PKN3: variants seen among roughly 807,000 people sequenced by gnomAD.
PKN3 encodes protein kinase N3, also known as serine/threonine-protein kinase N3.
Under a neutral mutation model 113.1 loss-of-function variants are expected in PKN3, and 91 were observed. That is an observed-to-expected ratio of 0.80 (90% CI 0.68 to 0.96). PKN3 has a LOEUF of 0.96. Among genes scored for constraint, PKN3 ranks in the 40% least tolerant of loss-of-function variants. The probability of loss-of-function intolerance (pLI) is 0.00; values close to 1 mark genes in which losing one functional copy is unlikely to be tolerated. For missense variants in PKN3, 1,052 were observed against 1,202.2 expected (o/e 0.88, Z 1.85); for synonymous variants, 467 against 499.0 (o/e 0.94, Z 0.85).
chr9:128,719,315 G>T (rs2132336617), intron 18 of PKN3, among the ~76,000 whole-genome samples: 2 of 150,900 alleles, frequency 1.3e-5, no homozygotes, highest in South Asian at 4.2e-4. Context: ...TCAGCCTCCC[G>T]AGTACCTGCG....
intron 8 of PKN3, 42 bp downstream of exon 8, chr9:128,713,429 CG>C: frequency 6.2e-7 from 1 of 1,611,844 alleles, no homozygotes; most frequent in South Asian, 1.1e-5. Flanking sequence ...CCTTGGGCTG[CG>C]GGGTGGAAGG....
intron 6 of PKN3, 32 bp from the exon 7 acceptor site, chr9:128,713,020 C>T: frequency 1.3e-6 from 2 of 1,561,634 alleles, no homozygotes; most frequent in Non-Finnish European, 1.7e-6. Context: ...AAGATGGCAT[C>T]TGACAACGCC....
rs1424129240 is a variant in PKN3, at chr9:128,720,701, T to C, written c.*95T>C. 6.5e-6 allele frequency: 7 copies of C among 1,083,452 alleles called. No individual in the cohort carries two copies. The East Asian group carries it at 1.6e-4, about 24-fold the overall frequency. 67.1% of individuals were successfully genotyped at this position (1,083,452 alleles called of 1,614,324 possible). ...CCCTGCCTGGAGGTCCAGGCCTTGC[T>C]GGGTACTTCTGAGCCCTTGGGATTC... On this transcript the variant is annotated 3_prime_UTR_variant, in exon 22 of 22. Transcript: ENST00000291906. This position sits in a 1 kb window ranked among gnomAD's most constrained non-coding sequence, Gnocchi z 5.5.
At position 128,720,301 on chromosome 9, in the gene PKN3, C is replaced by T. The variant is rs756715269; in HGVS notation, c.2457+18C>T. ...TCTTCAGGGTGAGCGGCTGGGGTGG[C>T]GGTGGTCCCCTGTGCCTGGCAGGGT... is the stretch of plus-strand genomic sequence containing the variant. On this transcript the variant is annotated intron_variant, in intron 21 of 21. Coordinates refer to ENST00000291906, the MANE Select transcript of PKN3 (RefSeq NM_013355.5). This position sits in a 1 kb window ranked among gnomAD's most constrained non-coding sequence, Gnocchi z 5.5. The T allele has an allele frequency of 1.2e-5, 19 of 1,612,646 alleles. No individual in the cohort carries two copies. The African/African-American group carries it at 1.7e-4, about 15-fold the overall frequency.
At position 128,702,585 on chromosome 9, in the gene PKN3, A is replaced by G. The variant is rs566381060; in HGVS notation, c.-331A>G. 2.0e-3 allele frequency: 615 copies of G among 308,226 alleles called. 5 individuals carry two copies. Among genetic ancestry groups the G allele is most frequent in the African/African-American group, 0.013 (582 of 45,398 alleles). 19.1% of individuals were successfully genotyped at this position (308,226 alleles called of 1,614,324 possible). A position where few individuals can be genotyped will look rare whatever the true frequency, so the allele number is the denominator to read the frequency against. On this transcript the variant is annotated 5_prime_UTR_variant, in exon 1 of 22. Transcript: ENST00000291906. ...CTGGGCGCGGGCGATGTGCCTCCTGAGCGTCCAAACCGGGGGTGAGGCGCG... is the reference window on the plus strand; with the variant it reads ...CTGGGCGCGGGCGATGTGCCTCCTGGGCGTCCAAACCGGGGGTGAGGCGCG...
In PKN3 at chr9:128,702,936, G is replaced by C. The variant is rs906362245; in HGVS notation, c.21G>C (p.Arg7=). 4.7e-5 allele frequency: 68 copies of C among 1,456,672 alleles called. No individual in the cohort carries two copies. Among genetic ancestry groups the C allele is most frequent in the African/African-American group, 6.0e-5 (4 of 66,814 alleles). 90.2% of individuals were successfully genotyped at this position (1,456,672 alleles called of 1,614,324 possible). A position where few individuals can be genotyped will look rare whatever the true frequency, so the allele number is the denominator to read the frequency against. Residue 7 remains arginine (R), a synonymous_variant, in exon 1 of 22, where the codon CGG becomes CGC. Coordinates refer to ENST00000291906, the MANE Select transcript of PKN3 (RefSeq NM_013355.5). ...GCGCCATGGAGGAGGGGGCGCCGCG[G>C]CAGGTGAACGGCGTGGGAGGGGCGC... MEEGAP[R]QPGPSQWPPE...
intron 18 of PKN3, among the ~76,000 whole-genome samples, chr9:128,719,281 C>A (rs909992228): frequency 1.3e-5 from 2 of 151,948 alleles, no homozygotes; most frequent in Non-Finnish European, 2.9e-5. Context: ...CCTCTGCCTC[C>A]AAGGTTCAAG....
intron 6 of PKN3, 48 bp downstream of exon 6, chr9:128,707,453 G>T (rs755323538): frequency 1.3e-6 from 2 of 1,490,600 alleles, no homozygotes. Context: ...TTTTTGGGGG[G>T]AGGCCGGAAG....
rs1176096468 is a variant in PKN3 at position 128,714,039 on chromosome 9, C to A, written c.1237-7C>A. Reference sequence around the variant, plus strand: ...ACTGGTCCACAACCCTGCCCCTACCCCTGCAGGTGACCTTCTGCGATCCTG... The same window carrying A: ...ACTGGTCCACAACCCTGCCCCTACCACTGCAGGTGACCTTCTGCGATCCTG... On this transcript the variant is annotated splice_region_variant and splice_polypyrimidine_tract_variant and intron_variant, in intron 9 of 21. Transcript: ENST00000291906. 2 of 1,613,908 alleles carry A rather than the reference C, an allele frequency of 1.2e-6. No individual in the cohort carries two copies. The highest frequency in any genetic ancestry group is 1.3e-5 in the African/African-American group (1 of 74,896).
intron 12 of PKN3, 64 bp from the exon 13 acceptor site, chr9:128,714,734 G>A: frequency 6.6e-7 from 1 of 1,520,234 alleles, no homozygotes; most frequent in Non-Finnish European, 9.1e-7. Context: ...GCTGTGGGGT[G>A]GCAGGCCTGA....
Position 128,720,045 on chromosome 9 carries a change from C to T in PKN3, c.2376+28C>T, listed in dbSNP as rs2132340683. 6.3e-7 allele frequency: 1 copy of T among 1,591,410 alleles called. No individual in the cohort carries two copies. Among genetic ancestry groups the T allele is most frequent in the Non-Finnish European group, 8.6e-7 (1 of 1,159,690 alleles). On this transcript the variant is annotated intron_variant, in intron 20 of 21. Coordinates refer to ENST00000291906, the MANE Select transcript of PKN3 (RefSeq NM_013355.5). This position sits in a 1 kb window ranked among gnomAD's most constrained non-coding sequence, Gnocchi z 5.5. ...AAGCACTGCGGGGTCTGGGGCTGGG[C>T]TGGATGGCCGCTCAAGGCCCATGTG...
In PKN3 at chr9:128,713,120, G is replaced by A. The variant is rs891451595; in HGVS notation, c.904G>A (p.Ala302Thr). Residue 302 changes from alanine (A) to threonine (T), a missense_variant, in exon 7 of 22, where the codon GCC becomes ACC. By Grantham distance (58) the Ala-to-Thr change is moderately conservative. Coordinates refer to ENST00000291906, the MANE Select transcript of PKN3 (RefSeq NM_013355.5). ...AGCCGTGCCTGGGCGCTCCCCAGCG[G>A]CCGCACTGGCCAGCAGCCCCTCCGA... ...LTAVPGRSPA[A>T]ALASSPSEGW... 1.2e-6 allele frequency: 2 copies of A among 1,611,702 alleles called. No homozygotes were observed. Among genetic ancestry groups the A allele is most frequent in the African/African-American group, 2.7e-5 (2 of 74,924 alleles).
At chr9:128,705,580 C>T (rs1321269185) in intron 2 of PKN3, 37 bp downstream of exon 2, 2 of 1,549,096 alleles carry the variant, frequency 1.3e-6, no homozygotes, top group East Asian at 4.9e-5. Flanking sequence ...GGACAGAAGG[C>T]TCTAGGCCCA....
At position 128,704,959 on chromosome 9, in the gene PKN3, G is replaced by A. The variant is rs1001957290; in HGVS notation, c.25-344G>A. ...AAAGAAAAAGAAAAAAGAAAATGGG[G>A]GTAATGACCACCGCTACCGGGTGGG... On this transcript the variant is annotated intron_variant, in intron 1 of 21. Coordinates refer to ENST00000291906, the MANE Select transcript of PKN3 (RefSeq NM_013355.5). Among the ~76,000 whole-genome samples the A allele has an allele frequency of 3.9e-5, 6 of 151,942 alleles. No homozygotes were observed. In the East Asian group the frequency reaches 9.6e-4, roughly 24 times the overall value.
chr9:128,716,534 G>A (rs548412533), intron 15 of PKN3, among the ~76,000 whole-genome samples: 38 of 151,484 alleles, frequency 2.5e-4, no homozygotes, highest in Non-Finnish European at 5.0e-4. Flanking sequence ...GGAGGCAGAG[G>A]TTGCAATGAG....
At chr9:128,718,720 T>G in intron 18 of PKN3, 95 bp downstream of exon 18, 1 of 1,184,688 alleles carries the variant, frequency 8.4e-7, no homozygotes. Flanking sequence ...GGAAATCTCC[T>G]CACCTGCGGA....
At chr9:128,719,861 G>T in intron 19 of PKN3, 33 bp downstream of exon 19, 2 of 1,607,432 alleles carry the variant, frequency 1.2e-6, no homozygotes, top group South Asian at 1.1e-5. Flanking sequence ...TGGGCCTCTG[G>T]GTGGGGGTGG....
chr9:128,712,659 T>C (rs1589484743), intron 6 of PKN3, among the ~76,000 whole-genome samples: 1 of 152,172 alleles, frequency 6.6e-6, no homozygotes, highest in South Asian at 2.1e-4. Context: ...TGAGCCTATG[T>C]CCCTGCCGCT....
intron 2 of PKN3, 69 bp from the exon 3 acceptor site, chr9:128,705,665 G>A: frequency 6.5e-7 from 1 of 1,541,502 alleles, no homozygotes; most frequent in Non-Finnish European, 8.8e-7. Context: ...GTAGGGGAAG[G>A]AGGAAAGGCC....
Sources: allele counts gnomAD v4.1 joint callset (sites outside exome capture counted in the v4.1 genomes callset), GRCh38; gene constraint gnomAD v4.1.1; non-coding constraint Gnocchi (gnomAD v3.1); transcripts MANE v1.5; gene names NCBI Gene and HGNC (gene_info 2026-07-23, HGNC 2026-07-21).